Variants in BMP7 observed in about 807,000 individuals in gnomAD.
BMP7 encodes the protein bone morphogenetic protein 7, also known as osteogenic protein 1.
Under a neutral mutation model 41.2 loss-of-function variants are expected in BMP7, and 12 were observed. That is an observed-to-expected ratio of 0.29 (90% confidence interval 0.19 to 0.47). BMP7 has a LOEUF of 0.47. Among genes scored for constraint, BMP7 ranks in the 20% least tolerant of loss-of-function variants. The pLI, the probability that BMP7 is intolerant of heterozygous loss-of-function variation, is 0.99. For missense variants in BMP7, 467 were observed against 606.0 expected (o/e 0.77, Z 2.41); for synonymous variants, 248 against 250.0 (o/e 0.99, Z 0.07).
intron 2 of BMP7, among the ~76,000 whole-genome samples, chr20:57,211,088 C>T (rs767206187): frequency 3.9e-5 from 6 of 152,214 alleles, no homozygotes; most frequent in Admixed American, 1.3e-4. Context: ...TGGAATCACC[C>T]GGCTGGTGGC....
At chr20:57,253,066 G>A (rs904512027) in intron 1 of BMP7, among the ~76,000 whole-genome samples, 7 of 152,244 alleles carry the variant, frequency 4.6e-5, no homozygotes, top group South Asian at 4.1e-4. Context: ...CTCCAGAGGC[G>A]CAGAGATTTC....
intron 4 of BMP7, among the ~76,000 whole-genome samples, chr20:57,175,584 T>C (rs1242288163): frequency 6.6e-6 from 1 of 152,180 alleles, no homozygotes; most frequent in Admixed American, 6.5e-5. Context: ...CTTTGAGTAG[T>C]GAAAATGATA....
rs1415566535 is a variant in BMP7, at chr20:57,214,358, C to G, written c.612-11735G>C. Among the ~76,000 whole-genome samples the G allele has an allele frequency of 6.6e-6, 1 of 152,188 alleles. No individual in the cohort carries two copies. Among genetic ancestry groups the G allele is most frequent in the East Asian group, 1.9e-4 (1 of 5,194 alleles). On this transcript the variant is annotated intron_variant, in intron 2 of 6. Coordinates refer to ENST00000395863, the MANE Select transcript of BMP7 (RefSeq NM_001719.3). The surrounding 1 kb of genome is among the most constrained non-coding windows in gnomAD (Gnocchi z 4.0). ...AGCAATTAACTTCCCTGCCTCAAAC[C>G]CTTTATCAGCTCTTAGGATAAAAAG... is the stretch of plus-strand genomic sequence containing the variant.
intron 2 of BMP7, among the ~76,000 whole-genome samples, chr20:57,209,508 T>C (rs1331096582): frequency 6.6e-6 from 1 of 151,626 alleles, no homozygotes; most frequent in African/African-American, 2.4e-5. Flanking sequence ...GTAGGGAAAA[T>C]GGGGGTAACT....
In BMP7 at chr20:57,228,543, C is replaced by T; in HGVS notation, c.419-122G>A. The T allele has an allele frequency of 1.7e-6, 2 of 1,194,420 alleles. No individual in the cohort carries two copies. Among genetic ancestry groups the T allele is most frequent in the Non-Finnish European group, 2.5e-6 (2 of 809,882 alleles). 74.0% of individuals were successfully genotyped at this position (1,194,420 alleles called of 1,614,324 possible). ...TGGAGGCATGCCCATTGCCAGTGAC[C>T]CCAGTGACAACTGCTCCTTCCTCAC... On this transcript the variant is annotated intron_variant, in intron 1 of 6. Coordinates refer to ENST00000395863, the MANE Select transcript of BMP7 (RefSeq NM_001719.3). The surrounding 1 kb of genome is among the most constrained non-coding windows in gnomAD (Gnocchi z 4.5).
At position 57,237,568 on chromosome 20, in the gene BMP7, G is replaced by A. The variant is rs149082866; in HGVS notation, c.419-9147C>T. Among the ~76,000 whole-genome samples the A allele has an allele frequency of 1.9e-3, 293 of 152,316 alleles. 1 individual carries two copies. The East Asian group carries it at 0.025, about 13-fold the overall frequency. On this transcript the variant is annotated intron_variant, in intron 1 of 6. Coordinates refer to ENST00000395863, the MANE Select transcript of BMP7 (RefSeq NM_001719.3). ...TAAGGAGCTTGAAAAAGCCGCCAGA[G>A]GCATGCAATAAATTGGGAATTCTGG...
At chr20:57,204,575 A>G (rs1433376217) in intron 2 of BMP7, among the ~76,000 whole-genome samples, 1 of 152,230 alleles carries the variant, frequency 6.6e-6, no homozygotes, top group Non-Finnish European at 1.5e-5. Flanking sequence ...TCTCAGGCAC[A>G]AGCACAGAAG....
chr20:57,208,782 C>T (rs1287641597), intron 2 of BMP7, among the ~76,000 whole-genome samples: 1 of 152,184 alleles, frequency 6.6e-6, no homozygotes, highest in Non-Finnish European at 1.5e-5. Flanking sequence ...GGCTACAACA[C>T]AGATGAATCT....
At chr20:57,234,425 G>C (rs774861038) in intron 1 of BMP7, among the ~76,000 whole-genome samples, 1 of 152,206 alleles carries the variant, frequency 6.6e-6, no homozygotes, top group Non-Finnish European at 1.5e-5. Context: ...TGAGGAGAGA[G>C]ACCTGCTGGG....
intron 1 of BMP7, among the ~76,000 whole-genome samples, chr20:57,260,164 T>G (rs1248214662): frequency 6.6e-6 from 1 of 152,172 alleles, no homozygotes; most frequent in Non-Finnish European, 1.5e-5. Flanking sequence ...TTGCATGCTG[T>G]GAGAACAGGC....
chr20:57,225,670 AC>A (rs2066003166), intron 2 of BMP7, among the ~76,000 whole-genome samples: 1 of 152,220 alleles, frequency 6.6e-6, no homozygotes, highest in South Asian at 2.1e-4. Context: ...AGGTTGAAAA[AC>A]AAAACAACCT....
chr20:57,202,670 A>G lies in BMP7; in HGVS notation c.612-47T>C, dbSNP rs752248267. The G allele has an allele frequency of 2.3e-5, 33 of 1,415,612 alleles. No homozygotes were observed. In the South Asian group the frequency reaches 3.5e-4, roughly 15 times the overall value. The allele number at this position is 1,415,612 out of a possible 1,614,324, so 87.7% of individuals were successfully genotyped here. ...ACGGGCTTCGCGTTAGCCAGGTCAC[A>G]GCTCCACTACCCCAACAGATGGGAA... On this transcript the variant is annotated intron_variant, in intron 2 of 6. Transcript: ENST00000395863.
chr20:57,256,643 G>A (rs2146030592), intron 1 of BMP7, among the ~76,000 whole-genome samples: 1 of 152,334 alleles, frequency 6.6e-6, no homozygotes, highest in Non-Finnish European at 1.5e-5. Context: ...CAAGGCGGGT[G>A]GATAAAACCT....
Position 57,171,191 on chromosome 20 carries a change from C to T in BMP7, c.1147-83G>A. 1.3e-6 allele frequency: 2 copies of T among 1,577,486 alleles called. No individual in the cohort carries two copies. The highest frequency in any genetic ancestry group is 1.1e-5 in the South Asian group (1 of 88,552). ...CCTCCACGTTTCTATAAAGAAACAT[C>T]CTGTCTGGGCATAATGAATGACTGC... On this transcript the variant is annotated intron_variant, in intron 6 of 6. Coordinates refer to ENST00000395863, the MANE Select transcript of BMP7 (RefSeq NM_001719.3). The surrounding 1 kb of genome is among the most constrained non-coding windows in gnomAD (Gnocchi z 4.5).
At chr20:57,184,335 C>T (rs1408758561) in intron 3 of BMP7, among the ~76,000 whole-genome samples, 1 of 152,146 alleles carries the variant, frequency 6.6e-6, no homozygotes, top group African/African-American at 2.4e-5. Flanking sequence ...CAATTGCAAA[C>T]AACCCTAATG....
chr20:57,195,458 T>A (rs1330534940), intron 3 of BMP7, among the ~76,000 whole-genome samples: 1 of 152,094 alleles, frequency 6.6e-6, no homozygotes, highest in African/African-American at 2.4e-5. Context: ...CCCTCCCCAT[T>A]CTTGCCGTCC....
chr20:57,237,742 G>T (rs970392936), intron 1 of BMP7, among the ~76,000 whole-genome samples: 5 of 152,198 alleles, frequency 3.3e-5, no homozygotes, highest in African/African-American at 1.2e-4. Context: ...TCGCCTAGAA[G>T]TTGACAATGA....
intron 2 of BMP7, among the ~76,000 whole-genome samples, chr20:57,218,856 CTGGTAGCTGGTGTTTGG>C (rs1337621567): frequency 2.0e-4 from 24 of 119,054 alleles, no homozygotes; most frequent in Middle Eastern, 0.015. Context: ...TATGTGTTTG[CTGGTAGCTGGTGTTTGG>C]TGGTAGCTGG....
At chr20:57,179,126 CTG>C (rs1984007642) in intron 4 of BMP7, among the ~76,000 whole-genome samples, 1 of 152,210 alleles carries the variant, frequency 6.6e-6, no homozygotes, top group Non-Finnish European at 1.5e-5. Flanking sequence ...AGACCCTGCT[CTG>C]TGCTTCCAGG....
Sources: allele counts gnomAD v4.1 joint callset (sites outside exome capture counted in the v4.1 genomes callset), GRCh38; gene constraint gnomAD v4.1.1; non-coding constraint Gnocchi (gnomAD v3.1); transcripts MANE v1.5; gene names NCBI Gene and HGNC (gene_info 2026-07-23, HGNC 2026-07-21).